IQCE: variants seen among roughly 807,000 people sequenced by gnomAD.
IQCE encodes IQ motif containing E.
Under a neutral mutation model 96.0 loss-of-function variants are expected in IQCE, and 115 were observed. That is an observed-to-expected ratio of 1.20 (90% confidence interval 1.03 to 1.40). The LOEUF is 1.40. IQCE is among the 40% of genes most tolerant of loss of function. The probability of loss-of-function intolerance (pLI) is 0.00; values close to 1 mark genes in which losing one functional copy is unlikely to be tolerated. For missense variants in IQCE, 1,041 were observed against 909.1 expected (o/e 1.15, Z -1.87); for synonymous variants, 412 against 371.2 (o/e 1.11, Z -1.26).
chr7:2,586,448 C>T, intron 12 of IQCE, 77 bp downstream of exon 12: 1 of 1,439,510 alleles, frequency 6.9e-7, no homozygotes, highest in Non-Finnish European at 9.5e-7. Context: ...CTGGGTAGGC[C>T]CAACTGAGGA....
Position 2,586,364 on chromosome 7 carries a change from G to A in IQCE, c.981G>A (p.Lys327=). 2 of 1,611,870 alleles carry A rather than the reference G, an allele frequency of 1.2e-6. No individual in the cohort carries two copies. The highest frequency in any genetic ancestry group is 1.7e-6 in the Non-Finnish European group (2 of 1,179,476). The change falls in exon 12 of 22, where the codon AAG becomes AAA. Residue 327 remains lysine, a synonymous_variant. Coordinates refer to ENST00000402050, the MANE Select transcript of IQCE (RefSeq NM_152558.5). ...TGAGCACCTCCCCAACCATCTCCAA[G>A]ACACAGGGTACCTTCCTGAAAGCCA... ...RVLSTSPTIS[K]TQGYVEWSKP... is the part of the protein sequence containing the mutation.
At chr7:2,575,507 G>T (rs1782052726) in intron 6 of IQCE, among the ~76,000 whole-genome samples, 1 of 152,224 alleles carries the variant, frequency 6.6e-6, no homozygotes, top group African/African-American at 2.4e-5. Context: ...TGATGGTCCC[G>T]ACTCTGCCCG....
At chr7:2,609,977 G>A (rs960764047) in intron 21 of IQCE, 67 bp from the exon 22 acceptor site, 22 of 864,214 alleles carry the variant, frequency 2.5e-5, no homozygotes, top group Non-Finnish European at 4.2e-5. Context: ...ACAGTGTAAG[G>A]GTGTCCGTGG....
chr7:2,607,025 A>G (rs1230497065), intron 20 of IQCE, 99 bp from the exon 21 acceptor site: 6 of 1,109,274 alleles, frequency 5.4e-6, no homozygotes, highest in African/African-American at 3.2e-5. Context: ...TTTCATTGGA[A>G]TACTTGCCTC....
At chr7:2,599,587 C>T (rs1202988770) in intron 17 of IQCE, among the ~76,000 whole-genome samples, 1 of 151,988 alleles carries the variant, frequency 6.6e-6, no homozygotes, top group African/African-American at 2.4e-5. Flanking sequence ...GCCTCGACCT[C>T]CCAGGCTCAA....
Position 2,569,143 on chromosome 7 carries a change from G to T in IQCE, c.130+144G>T, listed in dbSNP as rs1315308435. On this transcript the variant is annotated intron_variant, in intron 3 of 21. Transcript: ENST00000402050. ...GCCCCATTCCCACTGGGGTCTCCCA[G>T]TTCGCGCTGGAGTCTCCCCCTTTCA... 68 of 732,104 alleles carry T rather than the reference G, an allele frequency of 9.3e-5. 1 individual carries two copies. Among genetic ancestry groups the T allele is most frequent in the South Asian group, 3.3e-5 (2 of 59,730 alleles). The allele number at this position is 732,104 out of a possible 1,614,324, so 45.4% of individuals were successfully genotyped here.
intron 18 of IQCE, among the ~76,000 whole-genome samples, chr7:2,602,214 C>T (rs1457754828): frequency 6.6e-6 from 1 of 152,184 alleles, no homozygotes; most frequent in Admixed American, 6.5e-5. Context: ...GAGGGGAGGG[C>T]ATCCCAGCAG....
In IQCE at chr7:2,571,580, C is replaced by A; in HGVS notation, c.185C>A (p.Thr62Lys). ...RKVASWRSLR[T>K]AGSMPLGGRA... ...GTGGCCTCCTGGAGGTCCCTCAGGA[C>A]GGCAGGGAGCATGCCTCTGGGCGGC... The change falls in exon 4 of 22, where the codon ACG becomes AAG. Residue 62 changes from threonine (T) to lysine (K), a missense_variant. Coordinates refer to ENST00000402050, the MANE Select transcript of IQCE (RefSeq NM_152558.5). 6.2e-7 allele frequency: 1 copy of A among 1,604,316 alleles called. No homozygotes were observed. The highest frequency in any genetic ancestry group is 8.5e-7 in the Non-Finnish European group (1 of 1,179,924).
intron 16 of IQCE, chr7:2,596,936 A>G: frequency 2.1e-6 from 1 of 469,712 alleles, no homozygotes; most frequent in South Asian, 1.5e-5. Context: ...GTGTGGATGT[A>G]CCCAGGGCAT....
rs574650220 is a variant in IQCE at position 2,600,142 on chromosome 7, A to C, written c.1609-1299A>C. ...ATTTTCTTTGGCAATGGGCAGGCCA[A>C]TGTGTTACAGAACGTTCCCTTTCCT... On this transcript the variant is annotated intron_variant, in intron 17 of 21. Coordinates refer to ENST00000402050, the MANE Select transcript of IQCE (RefSeq NM_152558.5). Among the ~76,000 whole-genome samples the C allele has an allele frequency of 1.1e-4, 16 of 152,098 alleles. No individual in the cohort carries two copies. The South Asian group carries it at 3.1e-3, about 30-fold the overall frequency.
chr7:2,588,739 A>G (rs533712052), intron 13 of IQCE, among the ~76,000 whole-genome samples: 3 of 128,974 alleles, frequency 2.3e-5, no homozygotes, highest in Non-Finnish European at 4.6e-5. Flanking sequence ...ATCTCGGCTC[A>G]CTGCAACTTT....
chr7:2,603,072 C>G (rs1231975236), intron 18 of IQCE, among the ~76,000 whole-genome samples: 1 of 152,208 alleles, frequency 6.6e-6, no homozygotes, highest in Non-Finnish European at 1.5e-5. Context: ...CAGACACACC[C>G]TTGTCCATAC....
chr7:2,606,385 C>T (rs1000449307), intron 20 of IQCE, among the ~76,000 whole-genome samples: 1 of 152,110 alleles, frequency 6.6e-6, no homozygotes, highest in African/African-American at 2.4e-5. Context: ...TTGGACACGG[C>T]ATATGACAGG....
At chr7:2,595,317 C>G (rs972783169) in intron 16 of IQCE, among the ~76,000 whole-genome samples, 5 of 152,328 alleles carry the variant, frequency 3.3e-5, no homozygotes, top group Admixed American at 1.3e-4. Flanking sequence ...GAAGGCTCAA[C>G]CAGGCCCCTG....
intron 13 of IQCE, among the ~76,000 whole-genome samples, chr7:2,588,092 G>A (rs1041902992): frequency 6.6e-6 from 1 of 152,218 alleles, no homozygotes; most frequent in African/African-American, 2.4e-5. Flanking sequence ...GTGCGTGGCC[G>A]CAGGCAGACG....
At chr7:2,592,644 C>T (rs7801163) in intron 14 of IQCE, among the ~76,000 whole-genome samples, 2,741 of 152,368 alleles carry the variant, frequency 0.018, 76 homozygotes, top group African/African-American at 0.055. Context: ...GGCAGTGCCA[C>T]GGTCTAGGCG....
intron 18 of IQCE, among the ~76,000 whole-genome samples, chr7:2,602,157 C>T (rs1784477332): frequency 6.6e-6 from 1 of 152,144 alleles, no homozygotes; most frequent in Admixed American, 6.5e-5. Context: ...GGGTGACATG[C>T]AAGGTGGGCC....
intron 1 of IQCE, 134 bp downstream of exon 1, chr7:2,559,351 C>A: frequency 2.5e-6 from 1 of 402,140 alleles, no homozygotes. Flanking sequence ...CGGGTGACAG[C>A]TGCCATTATT....
At chr7:2,587,016 C>G (rs1457058849) in intron 12 of IQCE, among the ~76,000 whole-genome samples, 1 of 152,150 alleles carries the variant, frequency 6.6e-6, no homozygotes, top group East Asian at 1.9e-4. Context: ...CTTGTCTAGT[C>G]GGGCTGCTGG....
Sources: allele counts gnomAD v4.1 joint callset (sites outside exome capture counted in the v4.1 genomes callset), GRCh38; gene constraint gnomAD v4.1.1; transcripts MANE v1.5; gene names NCBI Gene and HGNC (gene_info 2026-07-23, HGNC 2026-07-21).